Variants in MICU1 observed in about 807,000 individuals in gnomAD.
MICU1 encodes calcium uptake protein 1, mitochondrial.
In MICU1, 45 loss-of-function variants were observed where a neutral mutation model predicts 56.8. The ratio of observed to expected loss-of-function variants is 0.79; its 90% confidence interval spans 0.62 to 1.02. MICU1 has a LOEUF of 1.02. Ranked by LOEUF, MICU1 falls within the 50% of genes least tolerant of loss-of-function variation. The pLI, the probability that MICU1 is intolerant of heterozygous loss-of-function variation, is 0.00. For synonymous variants in MICU1, 186 were observed against 195.1 expected, an observed-to-expected ratio of 0.95 and a Z score of 0.39; for missense variants, 504 against 587.1, an observed-to-expected ratio of 0.86 and a Z score of 1.46.
At chr10:72,517,964 A>ATG (rs1235376394) in intron 5 of MICU1, among the ~76,000 whole-genome samples, 1 of 151,878 alleles carries the variant, frequency 6.6e-6, no homozygotes, top group Non-Finnish European at 1.5e-5. Context: ...ACTGGTAGTA[A>ATG]TGTTCTCTCA....
chr10:72,499,494 C>T (rs1866955235), intron 6 of MICU1, among the ~76,000 whole-genome samples: 1 of 152,142 alleles, frequency 6.6e-6, no homozygotes, highest in East Asian at 1.9e-4. Context: ...TACTTTTGGC[C>T]TTACAATATG....
intron 1 of MICU1, among the ~76,000 whole-genome samples, chr10:72,586,725 G>T (rs988745462): frequency 1.3e-5 from 2 of 151,548 alleles, no homozygotes; most frequent in Non-Finnish European, 2.9e-5. Context: ...TAGACCTAAA[G>T]GCTCCTGGAA....
At chr10:72,548,959 A>T (rs980159334) in intron 4 of MICU1, among the ~76,000 whole-genome samples, 3 of 152,130 alleles carry the variant, frequency 2.0e-5, no homozygotes, top group Non-Finnish European at 4.4e-5. Flanking sequence ...AGCCTCCCAA[A>T]GTGCTGGGAT....
intron 6 of MICU1, among the ~76,000 whole-genome samples, chr10:72,502,146 G>A (rs951253480): frequency 6.8e-5 from 6 of 88,374 alleles, no homozygotes; most frequent in African/African-American, 1.8e-4. Context: ...TTGTTTTGCT[G>A]TTTTTTTTTT....
intron 10 of MICU1, among the ~76,000 whole-genome samples, chr10:72,406,958 A>T (rs1863651679): frequency 6.6e-6 from 1 of 152,192 alleles, no homozygotes; most frequent in Non-Finnish European, 1.5e-5. Context: ...ACTCATCATA[A>T]AAAAGGATTA....
intron 4 of MICU1, among the ~76,000 whole-genome samples, 169 bp from the exon 5 acceptor site, chr10:72,533,958 T>C (rs1839558624): frequency 6.6e-6 from 1 of 152,054 alleles, no homozygotes; most frequent in Non-Finnish European, 1.5e-5. Flanking sequence ...AAAGTGTGAG[T>C]GCTAAGAGAT....
intron 1 of MICU1, among the ~76,000 whole-genome samples, chr10:72,586,016 T>TTTTC (rs1841047078): frequency 1.5e-5 from 2 of 129,320 alleles, no homozygotes; most frequent in South Asian, 5.4e-4. Context: ...TTTTTTTCTT[T>TTTTC]TTTTTTTTTT....
chr10:72,427,669 A>G (rs11000296), intron 8 of MICU1, among the ~76,000 whole-genome samples: 2,394 of 151,146 alleles, frequency 0.016, 35 homozygotes, highest in Middle Eastern at 0.027. Flanking sequence ...GGAGGCTGAC[A>G]TGGGTGGATC....
At position 72,430,124 on chromosome 10, in the gene MICU1, AAGTT is replaced by A. The variant is rs1864479048; in HGVS notation, c.934-6757_934-6754del. Among the ~76,000 whole-genome samples the A allele has an allele frequency of 2.6e-5, 4 of 152,318 alleles. No individual in the cohort carries two copies. The East Asian group carries it at 7.7e-4, about 29-fold the overall frequency. On this transcript the variant is annotated intron_variant, in intron 8 of 11. Coordinates refer to ENST00000361114, the MANE Select transcript of MICU1 (RefSeq NM_001195518.2). ...ACCTTACTTAACTTTTCTTAAAAGAAAGTTAGGCTTTCTTTTACTTTCTTCTTTC... is the reference window on the plus strand; with the variant it reads ...ACCTTACTTAACTTTTCTTAAAAGAAAGGCTTTCTTTTACTTTCTTCTTTC...
chr10:72,601,174 C>A (rs999913361), intron 1 of MICU1, among the ~76,000 whole-genome samples: 2 of 152,106 alleles, frequency 1.3e-5, no homozygotes, highest in African/African-American at 4.8e-5. Flanking sequence ...GTAATCCCAA[C>A]ATTTTGAGAG....
intron 8 of MICU1, among the ~76,000 whole-genome samples, chr10:72,457,272 G>A (rs539379299): frequency 2.7e-4 from 40 of 148,860 alleles, no homozygotes; most frequent in African/African-American, 9.4e-4. Flanking sequence ...AGGGTGGAGT[G>A]CAGGGCGCAA....
At position 72,461,082 on chromosome 10, in the gene MICU1, C is replaced by T. The variant is rs1392186633; in HGVS notation, c.933+14018G>A. Reference sequence around the variant, plus strand: ...ATAGGCCCAGAGAGGTCTGGGAGAACGTAAAGAAACTTTCTCTTGTCTTGT... The same window carrying T: ...ATAGGCCCAGAGAGGTCTGGGAGAATGTAAAGAAACTTTCTCTTGTCTTGT... On this transcript the variant is annotated intron_variant, in intron 8 of 11. Coordinates refer to ENST00000361114, the MANE Select transcript of MICU1 (RefSeq NM_001195518.2). 4.6e-5 allele frequency among the ~76,000 whole-genome samples: 7 copies of T among 152,048 alleles called. No homozygotes were observed. The East Asian group carries it at 7.7e-4, about 17-fold the overall frequency.
intron 1 of MICU1, among the ~76,000 whole-genome samples, chr10:72,610,256 C>T (rs1841807499): frequency 1.1e-5 from 1 of 90,228 alleles, no homozygotes; most frequent in Non-Finnish European, 2.4e-5. Context: ...GTGACATACT[C>T]TCCAAAAAAA....
At chr10:72,548,109 A>G (rs1564929466) in intron 4 of MICU1, among the ~76,000 whole-genome samples, 1 of 152,254 alleles carries the variant, frequency 6.6e-6, no homozygotes, top group Non-Finnish European at 1.5e-5. Context: ...CTATAGCAGC[A>G]GAGATGCTCT....
At chr10:72,609,905 C>T (rs1427218232) in intron 1 of MICU1, among the ~76,000 whole-genome samples, 2 of 151,224 alleles carry the variant, frequency 1.3e-5, no homozygotes, top group Non-Finnish European at 2.9e-5. Flanking sequence ...TGTGGTGGTG[C>T]GTGCCTGTAA....
At chr10:72,562,763 A>T (rs1253814008) in intron 3 of MICU1, 132 bp downstream of exon 3, 3 of 833,212 alleles carry the variant, frequency 3.6e-6, no homozygotes, top group Non-Finnish European at 5.1e-6. Context: ...TTAGAACATG[A>T]TAGAAAATAG....
intron 1 of MICU1, among the ~76,000 whole-genome samples, chr10:72,599,348 T>C (rs937965998): frequency 3.9e-5 from 6 of 152,198 alleles, no homozygotes; most frequent in Non-Finnish European, 7.4e-5. Flanking sequence ...TTTAAAATAT[T>C]AAATGTGAAT....
chr10:72,481,829 T>C (rs951655494), intron 6 of MICU1, among the ~76,000 whole-genome samples: 2 of 152,226 alleles, frequency 1.3e-5, no homozygotes, highest in Admixed American at 6.5e-5. Flanking sequence ...CAGCAAGTGT[T>C]GAAACTGATT....
chr10:72,512,516 G>A (rs1230952101), intron 5 of MICU1, among the ~76,000 whole-genome samples: 1 of 152,076 alleles, frequency 6.6e-6, no homozygotes, highest in East Asian at 1.9e-4. Flanking sequence ...AAACCCCACT[G>A]TATGTATATG....
Sources: allele counts gnomAD v4.1 joint callset (sites outside exome capture counted in the v4.1 genomes callset), GRCh38; gene constraint gnomAD v4.1.1; transcripts MANE v1.5; gene names NCBI Gene and HGNC (gene_info 2026-07-23, HGNC 2026-07-21).